C17orf113: variants seen among roughly 807,000 people sequenced by gnomAD.
The protein encoded by C17orf113 is chromosome 17 open reading frame 113.
Under a neutral mutation model 11.6 loss-of-function variants are expected in C17orf113, and 5 were observed. That is an observed-to-expected ratio of 0.43 (90% confidence interval 0.23 to 0.91). The LOEUF (loss-of-function observed/expected upper bound fraction) is 0.91, where lower values mean the gene tolerates loss of function less well. C17orf113 is among the 40% of genes least tolerant of loss of function. C17orf113 has a pLI of 0.26. For synonymous variants in C17orf113, 327 were observed against 390.6 expected, an observed-to-expected ratio of 0.84 and a Z score of 1.92; for missense variants, 714 against 841.3, an observed-to-expected ratio of 0.85 and a Z score of 1.87.
intron 1 of C17orf113, among the ~76,000 whole-genome samples, chr17:42,048,533 C>A (rs143076509): frequency 1.3e-5 from 2 of 152,064 alleles, no homozygotes; most frequent in African/African-American, 4.8e-5. Flanking sequence ...GGTGACACAG[C>A]GAGACCCTGT....
intron 1 of C17orf113, among the ~76,000 whole-genome samples, chr17:42,049,417 C>G (rs1483745912): frequency 6.6e-6 from 1 of 152,228 alleles, no homozygotes; most frequent in African/African-American, 2.4e-5. Flanking sequence ...CTAACTTCTT[C>G]ATGTCTGAAT....
chr17:42,045,476 C>G (rs549199091), intron 1 of C17orf113, among the ~76,000 whole-genome samples: 25 of 152,320 alleles, frequency 1.6e-4, no homozygotes, highest in African/African-American at 5.8e-4. Flanking sequence ...AGGGTCAGAC[C>G]CAGATGACTC....
rs2052947046 is a variant in C17orf113, at chr17:42,039,373, T to C, written c.*332A>G. On this transcript the variant is annotated 3_prime_UTR_variant, in exon 3 of 3. Transcript: ENST00000587304. ...TCCTTCCCCAAGCCAAAAACTCCCA[T>C]CTTTGGGGGGACCCAAACTTGCCCC... 1 of 260,546 alleles carries C rather than the reference T, an allele frequency of 3.8e-6. No homozygotes were observed. Among genetic ancestry groups the C allele is most frequent in the South Asian group, 1.7e-4 (1 of 5,808 alleles). The allele number at this position is 260,546 out of a possible 1,614,324, so 16.1% of individuals were successfully genotyped here. A position where few individuals can be genotyped will look rare whatever the true frequency, so the allele number is the denominator to read the frequency against.
At chr17:42,048,954 AAC>A (rs1394773035) in intron 1 of C17orf113, among the ~76,000 whole-genome samples, 15 of 137,024 alleles carry the variant, frequency 1.1e-4, no homozygotes, top group Non-Finnish European at 1.8e-4. Context: ...AAAAAAAAAA[AAC>A]AAAAATACTG....
At chr17:42,049,069 GT>G (rs1322537781) in intron 1 of C17orf113, among the ~76,000 whole-genome samples, 1 of 152,110 alleles carries the variant, frequency 6.6e-6, no homozygotes, top group African/African-American at 2.4e-5. Context: ...GTGGCCACTT[GT>G]GTCTCCCTTC....
At position 42,038,323 on chromosome 17, in the gene C17orf113, A is replaced by C; in HGVS notation, c.*1382T>G. The C allele has an allele frequency of 6.9e-6, 3 of 437,304 alleles. No homozygotes were observed. The highest frequency in any genetic ancestry group is 3.2e-5 in the South Asian group (1 of 31,172). The allele number at this position is 437,304 out of a possible 1,614,324, so 27.1% of individuals were successfully genotyped here. A position where few individuals can be genotyped will look rare whatever the true frequency, so the allele number is the denominator to read the frequency against. On this transcript the variant is annotated 3_prime_UTR_variant, in exon 3 of 3. Coordinates refer to ENST00000587304, the MANE Select transcript of C17orf113 (RefSeq NM_001358661.2). ...CCCTCGCCCCTCTCACTCTCTAACTATCCTCCCTCCCTCCAGATCCCCAGG... is the reference window on the plus strand; with the variant it reads ...CCCTCGCCCCTCTCACTCTCTAACTCTCCTCCCTCCCTCCAGATCCCCAGG...
At chr17:42,043,827 G>A (rs1169753247) in intron 1 of C17orf113, among the ~76,000 whole-genome samples, 1 of 152,126 alleles carries the variant, frequency 6.6e-6, no homozygotes, top group Admixed American at 6.5e-5. Flanking sequence ...TTTGACTGAT[G>A]AAGCATCTCA....
intron 1 of C17orf113, among the ~76,000 whole-genome samples, chr17:42,044,307 CAAAAAAAAA>C (rs57246793): frequency 1.4e-5 from 1 of 70,546 alleles, no homozygotes; most frequent in Non-Finnish European, 2.6e-5. Flanking sequence ...GACCCTGTCT[CAAAAAAAAA>C]AAAAAAAAAA....
At chr17:42,044,572 C>T (rs1555656440) in intron 1 of C17orf113, among the ~76,000 whole-genome samples, 2 of 151,262 alleles carry the variant, frequency 1.3e-5, no homozygotes, top group African/African-American at 2.4e-5. Flanking sequence ...GCCGAGATCA[C>T]GCTATTGCAC....
Position 42,043,513 on chromosome 17 carries a change from G to T in C17orf113, c.-137C>A. 1 of 635,128 alleles carries T rather than the reference G, an allele frequency of 1.6e-6. No individual in the cohort carries two copies. Among genetic ancestry groups the T allele is most frequent in the Non-Finnish European group, 2.3e-6 (1 of 443,618 alleles). The allele number at this position is 635,128 out of a possible 1,614,324, so 39.3% of individuals were successfully genotyped here. A position where few individuals can be genotyped will look rare whatever the true frequency, so the allele number is the denominator to read the frequency against. On this transcript the variant is annotated 5_prime_UTR_variant, in exon 2 of 3. Transcript: ENST00000587304. Reference sequence around the variant, plus strand: ...TGGGGGCAGCCCGCCAGGCTAACAGGGCCCATCCATCTAAGCCTGGAGAGT... The same window carrying T: ...TGGGGGCAGCCCGCCAGGCTAACAGTGCCCATCCATCTAAGCCTGGAGAGT...
In C17orf113 at chr17:42,038,903, A is replaced by T. The variant is rs1648367161; in HGVS notation, c.*802T>A. On this transcript the variant is annotated 3_prime_UTR_variant, in exon 3 of 3. Coordinates refer to ENST00000587304, the MANE Select transcript of C17orf113 (RefSeq NM_001358661.2). ...CTGTGTGTCAGAAACAAGCACGGTC[A>T]TCTACTCCCCAGTCATAGCTGAAGA... is the stretch of plus-strand genomic sequence containing the variant. 6.6e-6 allele frequency: 1 copy of T among 152,282 alleles called. No homozygotes were observed. Among genetic ancestry groups the T allele is most frequent in the Non-Finnish European group, 1.5e-5 (1 of 68,100 alleles). 9.4% of individuals were successfully genotyped at this position (152,282 alleles called of 1,614,324 possible). A position where few individuals can be genotyped will look rare whatever the true frequency, so the allele number is the denominator to read the frequency against.
At position 42,040,197 on chromosome 17, in the gene C17orf113, G is replaced by A; in HGVS notation, c.1536C>T (p.Asp512=). Residue 512 remains aspartate, a synonymous_variant, in exon 3 of 3, where the codon GAC becomes GAT. Transcript: ENST00000587304. ...AGATCGCTGCGAAGGCGGCCACGGC[G>A]TCCAGCGAAGGCCCGGGGTAGGAGT... is the stretch of plus-strand genomic sequence containing the variant. ...LQDSYPGPSL[D]AVAAFAAIFD... 3 of 1,231,580 alleles carry A rather than the reference G, an allele frequency of 2.4e-6. No individual in the cohort carries two copies. The highest frequency in any genetic ancestry group is 3.0e-6 in the Non-Finnish European group (3 of 987,844). The allele number at this position is 1,231,580 out of a possible 1,614,324, so 76.3% of individuals were successfully genotyped here. A position where few individuals can be genotyped will look rare whatever the true frequency, so the allele number is the denominator to read the frequency against.
At chr17:42,041,218 G>A in intron 2 of C17orf113, 29 bp from the exon 3 acceptor site, 3 of 1,232,526 alleles carry the variant, frequency 2.4e-6, no homozygotes, top group Non-Finnish European at 3.0e-6. Context: ...GAAAGGGAGG[G>A]AGGACTGAGT....
At chr17:42,044,053 C>A (rs975950744) in intron 1 of C17orf113, among the ~76,000 whole-genome samples, 2 of 150,480 alleles carry the variant, frequency 1.3e-5, no homozygotes, top group Non-Finnish European at 3.0e-5. Context: ...TGGTGGCTCA[C>A]TCCTATAATC....
chr17:42,041,586 GT>G (rs781802716), intron 2 of C17orf113, among the ~76,000 whole-genome samples: 1 of 152,138 alleles, frequency 6.6e-6, no homozygotes, highest in East Asian at 1.9e-4. Context: ...AGGAAAGCTA[GT>G]TTTTTCACTG....
intron 2 of C17orf113, among the ~76,000 whole-genome samples, 199 bp from the exon 3 acceptor site, chr17:42,041,388 C>A (rs1555656115): frequency 2.0e-5 from 3 of 152,212 alleles, no homozygotes. Flanking sequence ...GTTTTCTCAT[C>A]TCTACAGCTC....
chr17:42,046,393 T>C (rs2053161540), intron 1 of C17orf113, among the ~76,000 whole-genome samples: 2 of 152,020 alleles, frequency 1.3e-5, no homozygotes, highest in East Asian at 3.9e-4. Flanking sequence ...AGGAGTTCCA[T>C]ACCAGCCTGG....
intron 1 of C17orf113, among the ~76,000 whole-genome samples, chr17:42,044,346 G>A (rs1555656419): frequency 2.7e-5 from 4 of 149,434 alleles, no homozygotes; most frequent in Non-Finnish European, 1.5e-5. Context: ...GCCGGGTGGG[G>A]TGGCTCATGC....
In C17orf113 at chr17:42,039,490, C is replaced by T. The variant is rs1555655823; in HGVS notation, c.*215G>A. The T allele has an allele frequency of 2.5e-6, 1 of 403,014 alleles. No homozygotes were observed. The highest frequency in any genetic ancestry group is 4.4e-5 in the Admixed American group (1 of 22,576). 25.0% of individuals were successfully genotyped at this position (403,014 alleles called of 1,614,324 possible). The stretch of plus-strand genomic sequence containing the variant: ...GTACCCCAGATCCTAGCATCTCTGC[C>T]CACCCGCCCAGGCCCCTCTTGAGCC... On this transcript the variant is annotated 3_prime_UTR_variant, in exon 3 of 3. Coordinates refer to ENST00000587304, the MANE Select transcript of C17orf113 (RefSeq NM_001358661.2).
Sources: allele counts gnomAD v4.1 joint callset (sites outside exome capture counted in the v4.1 genomes callset), GRCh38; gene constraint gnomAD v4.1.1; transcripts MANE v1.5; gene names NCBI Gene and HGNC (gene_info 2026-07-23, HGNC 2026-07-21).